The following RANBP3 variants were observed in gnomAD, a reference collection of about 807,000 sequenced individuals.
The protein encoded by RANBP3 is ran-binding protein 3.
A neutral mutation model predicts 77.3 loss-of-function variants in RANBP3; 14 were observed. The observed-to-expected ratio is 0.18, with a 90% confidence interval of 0.12 to 0.28. The LOEUF (loss-of-function observed/expected upper bound fraction) is 0.28. Ranked by LOEUF, RANBP3 falls within the 10% of genes least tolerant of loss-of-function variation. RANBP3 has a pLI of 1.00. For missense variants in RANBP3, 586 were observed against 752.3 expected, an observed-to-expected ratio of 0.78 and a Z score of 2.59; for synonymous variants, 315 against 312.4, an observed-to-expected ratio of 1.01 and a Z score of -0.09.
At chr19:5,933,674 C>T (rs945656689) in intron 5 of RANBP3, 195 bp from the exon 6 acceptor site, 4 of 531,698 alleles carry the variant, frequency 7.5e-6, no homozygotes, top group Non-Finnish European at 1.3e-5. Flanking sequence ...AGGGGAGAGA[C>T]AAGGGCAGGA....
chr19:5,930,892 C>T (rs2057980406), intron 8 of RANBP3, among the ~76,000 whole-genome samples: 1 of 152,152 alleles, frequency 6.6e-6, no homozygotes, highest in South Asian at 2.1e-4. Context: ...TCTGAGATGA[C>T]TCCCAAAGAA....
Position 5,921,130 on chromosome 19 carries a change from C to G in RANBP3, c.1330+71G>C, listed in dbSNP as rs1432639896. ...GGTCAGGATCTCCCCCGCTTCATTC[C>G]CTTTGGAATTGCATAGTCCCCAGCC... On this transcript the variant is annotated intron_variant, in intron 14 of 16. Coordinates refer to ENST00000340578, the MANE Select transcript of RANBP3 (RefSeq NM_007322.3). This position sits in a 1 kb window ranked among gnomAD's most constrained non-coding sequence, Gnocchi z 5.3. The G allele has an allele frequency of 2.0e-6, 3 of 1,532,996 alleles. No individual in the cohort carries two copies. The African/African-American group carries it at 4.1e-5, about 21-fold the overall frequency. 95.0% of individuals were successfully genotyped at this position (1,532,996 alleles called of 1,614,324 possible). A position where few individuals can be genotyped will look rare whatever the true frequency, so the allele number is the denominator to read the frequency against.
In RANBP3 at chr19:5,973,649, G is replaced by C. The variant is rs550198952; in HGVS notation, c.22+4412C>G. 6.6e-5 allele frequency among the ~76,000 whole-genome samples: 10 copies of C among 152,352 alleles called. No individual in the cohort carries two copies. In the South Asian group the frequency reaches 1.9e-3, roughly 28 times the overall value. ...GGTCTTCTGCCAGGGGCTCAGCCCAGGGCCAACTCTGAGTGGGGCAGGTTC... is the reference window on the plus strand; with the variant it reads ...GGTCTTCTGCCAGGGGCTCAGCCCACGGCCAACTCTGAGTGGGGCAGGTTC... On this transcript the variant is annotated intron_variant, in intron 1 of 16. Transcript: ENST00000340578.
intron 3 of RANBP3, among the ~76,000 whole-genome samples, chr19:5,950,285 C>T (rs536052185): frequency 1.4e-4 from 21 of 152,280 alleles, no homozygotes; most frequent in Admixed American, 9.2e-4. Flanking sequence ...TGTCTCACTA[C>T]CCCAAACCCA....
chr19:5,938,977 G>A (rs2058099864), intron 5 of RANBP3, among the ~76,000 whole-genome samples: 1 of 152,128 alleles, frequency 6.6e-6, no homozygotes, highest in Non-Finnish European at 1.5e-5. Context: ...CTGAGGTCAG[G>A]AGTTGGAGAC....
At chr19:5,939,651 G>A (rs1051594281) in intron 5 of RANBP3, among the ~76,000 whole-genome samples, 2 of 152,218 alleles carry the variant, frequency 1.3e-5, no homozygotes, top group African/African-American at 4.8e-5. Flanking sequence ...TGGGGTGGAC[G>A]CTCAGAGATC....
intron 1 of RANBP3, among the ~76,000 whole-genome samples, chr19:5,963,859 TC>T: frequency 6.6e-6 from 1 of 152,190 alleles, no homozygotes; most frequent in South Asian, 2.1e-4. Context: ...AGAACCCTCG[TC>T]CCATCTAGCA....
chr19:5,925,847 A>T, intron 9 of RANBP3, 110 bp from the exon 10 acceptor site: 1 of 766,884 alleles, frequency 1.3e-6, no homozygotes, highest in South Asian at 1.7e-5. Flanking sequence ...GGAGCCATGA[A>T]CCCTCTCCTG....
chr19:5,924,008 G>T lies in RANBP3; in HGVS notation c.997-94C>A, dbSNP rs543631002. On this transcript the variant is annotated intron_variant, in intron 11 of 16. Transcript: ENST00000340578. This position sits in a 1 kb window ranked among gnomAD's most constrained non-coding sequence, Gnocchi z 4.7. ...CTCTCTGCCTGGCCCCCAACACTAC[G>T]CTGCCCCCAGCACTCCTGCCCACTC... 3 of 941,676 alleles carry T rather than the reference G, an allele frequency of 3.2e-6. No homozygotes were observed. Among genetic ancestry groups the T allele is most frequent in the Non-Finnish European group, 4.9e-6 (3 of 607,068 alleles). The allele number at this position is 941,676 out of a possible 1,614,324, so 58.3% of individuals were successfully genotyped here.
rs1248912577 is a variant in RANBP3 at position 5,959,878 on chromosome 19, C to A, written c.23-1905G>T. ...AGCCAGGGTTTGAGCCAGCTTGGCA[C>A]TCTCCAACCCCATTTTCTTTAGGGA... On this transcript the variant is annotated intron_variant, in intron 1 of 16. Transcript: ENST00000340578. This position sits in a 1 kb window ranked among gnomAD's most constrained non-coding sequence, Gnocchi z 5.1. Among the ~76,000 whole-genome samples the A allele has an allele frequency of 1.3e-5, 2 of 152,122 alleles. No homozygotes were observed. The highest frequency in any genetic ancestry group is 2.4e-5 in the African/African-American group (1 of 41,414).
intron 6 of RANBP3, 26 bp downstream of exon 6, chr19:5,933,388 C>G: frequency 6.3e-7 from 1 of 1,589,060 alleles, no homozygotes; most frequent in Non-Finnish European, 8.6e-7. Flanking sequence ...GAGCCACCCC[C>G]CGCCCCAGGG....
intron 12 of RANBP3, 63 bp from the exon 13 acceptor site, chr19:5,923,366 C>T (rs1477572701): frequency 1.3e-5 from 20 of 1,513,176 alleles, no homozygotes; most frequent in Non-Finnish European, 1.7e-5. Flanking sequence ...CATCTCCCCT[C>T]ATCCGACAGG....
intron 10 of RANBP3, chr19:5,925,363 C>T: frequency 1.8e-6 from 1 of 555,198 alleles, no homozygotes; most frequent in Admixed American, 3.1e-5. Flanking sequence ...AGGGCACACT[C>T]CAAGGGCTGG....
At chr19:5,941,142 T>G (rs2058130818) in intron 5 of RANBP3, among the ~76,000 whole-genome samples, 1 of 152,230 alleles carries the variant, frequency 6.6e-6, no homozygotes, top group South Asian at 2.1e-4. Flanking sequence ...TGGGGCCTCC[T>G]GGCTTGCTGG....
At chr19:5,932,378 G>T in intron 7 of RANBP3, 74 bp downstream of exon 7, 3 of 1,184,572 alleles carry the variant, frequency 2.5e-6, no homozygotes, top group South Asian at 1.3e-5. Flanking sequence ...TCGCAACACT[G>T]CTGTCCCGGG....
At chr19:5,950,493 T>G (rs375806944) in intron 3 of RANBP3, 1 of 152,562 alleles carries the variant, frequency 6.6e-6, no homozygotes, top group African/African-American at 2.4e-5. Flanking sequence ...TGTTAACAGT[T>G]TCCTTAAAAA....
chr19:5,963,190 G>A (rs1018638841), intron 1 of RANBP3, among the ~76,000 whole-genome samples: 1 of 152,140 alleles, frequency 6.6e-6, no homozygotes, highest in Non-Finnish European at 1.5e-5. Flanking sequence ...CATGCTCCCT[G>A]TTGAAACCTA....
At chr19:5,923,415 G>A (rs1053541168) in intron 12 of RANBP3, 112 bp from the exon 13 acceptor site, 80 of 1,060,338 alleles carry the variant, frequency 7.5e-5, no homozygotes, top group South Asian at 2.4e-4. Flanking sequence ...GACGCCTGCT[G>A]CCCCTGGCAG....
At chr19:5,966,940 CTA>C (rs1264646084) in intron 1 of RANBP3, among the ~76,000 whole-genome samples, 1 of 152,240 alleles carries the variant, frequency 6.6e-6, no homozygotes, top group East Asian at 1.9e-4. Flanking sequence ...AAATAACAGT[CTA>C]TTAAAATGTG....
Sources: allele counts gnomAD v4.1 joint callset (sites outside exome capture counted in the v4.1 genomes callset), GRCh38; gene constraint gnomAD v4.1.1; non-coding constraint Gnocchi (gnomAD v3.1); transcripts MANE v1.5; gene names NCBI Gene and HGNC (gene_info 2026-07-23, HGNC 2026-07-21).